RIOK3: variants seen among roughly 807,000 people sequenced by gnomAD.
The protein encoded by RIOK3 is serine/threonine-protein kinase RIO3.
Under a neutral mutation model 63.5 loss-of-function variants are expected in RIOK3, and 40 were observed. The observed-to-expected ratio is 0.63, with a 90% CI of 0.49 to 0.82. RIOK3 has a LOEUF of 0.82. RIOK3 is among the 40% of genes least tolerant of loss of function. The pLI is 0.00. For synonymous variants in RIOK3, 193 were observed against 205.0 expected (o/e 0.94, Z 0.50); for missense variants, 557 against 637.0 (o/e 0.87, Z 1.35).
At position 23,478,188 on chromosome 18, in the gene RIOK3, G is replaced by A. The variant is rs2057506369; in HGVS notation, c.1344+920G>A. Among the ~76,000 whole-genome samples, 13 of 152,232 alleles carry A rather than the reference G, an allele frequency of 8.5e-5. 1 individual carries two copies. The South Asian group carries it at 2.5e-3, about 29-fold the overall frequency. On this transcript the variant is annotated intron_variant, in intron 11 of 12. Coordinates refer to ENST00000339486, the MANE Select transcript of RIOK3 (RefSeq NM_003831.5). ...TGCTTAAACAGAAGCTGGTGTGCCT[G>A]TATGCTTGCTGCCATTATTACCATT...
At chr18:23,457,034 A>C (rs1429983180) in intron 1 of RIOK3, among the ~76,000 whole-genome samples, 2 of 152,234 alleles carry the variant, frequency 1.3e-5, no homozygotes, top group African/African-American at 4.8e-5. Flanking sequence ...TGATGATGTC[A>C]TCACATCTGA....
chr18:23,480,360 CAGTA>C (rs1411647175), intron 12 of RIOK3, among the ~76,000 whole-genome samples: 2 of 152,108 alleles, frequency 1.3e-5, no homozygotes, highest in Non-Finnish European at 2.9e-5. Context: ...TACAGTTGCT[CAGTA>C]AGTAAGTGAT....
intron 9 of RIOK3, among the ~76,000 whole-genome samples, chr18:23,475,615 A>G (rs1350961406): frequency 1.3e-5 from 2 of 152,202 alleles, no homozygotes; most frequent in Non-Finnish European, 2.9e-5. Context: ...GGCAAGAAAT[A>G]GAGCAAGACC....
In RIOK3 at chr18:23,467,498, T is replaced by A. The variant is rs1212158187; in HGVS notation, c.787T>A (p.Ser263Thr). 1 of 1,612,950 alleles carries A rather than the reference T, an allele frequency of 6.2e-7. No individual in the cohort carries two copies. Among genetic ancestry groups the A allele is most frequent in the African/African-American group, 1.3e-5 (1 of 74,766 alleles). The stretch of plus-strand genomic sequence containing the variant: ...TGGCTGTATTAGTACAGGAAAGGAG[T>A]CTGTTGTCTTTCATGCATATGGAGG... ...ITGCISTGKE[S>T]VVFHAYGGSM... The change falls in exon 7 of 13, where the codon TCT (serine) becomes ACT (threonine). Residue 263 changes from serine to threonine, a missense_variant. This residue lies in a region of RIOK3 where 309 missense variants were observed against 338.7 expected (regional missense o/e 0.91). Coordinates refer to ENST00000339486, the MANE Select transcript of RIOK3 (RefSeq NM_003831.5).
At chr18:23,460,622 G>A (rs1568380407) in intron 1 of RIOK3, among the ~76,000 whole-genome samples, 1 of 152,172 alleles carries the variant, frequency 6.6e-6, no homozygotes, top group Non-Finnish European at 1.5e-5. Flanking sequence ...TTATGTAACT[G>A]TTAGTCATTG....
chr18:23,481,005 A>G (rs2057530064), intron 12 of RIOK3, among the ~76,000 whole-genome samples, 167 bp from the exon 13 acceptor site: 1 of 152,112 alleles, frequency 6.6e-6, no homozygotes, highest in African/African-American at 2.4e-5. Context: ...GCTTGAACCC[A>G]GGAGGCAGAG....
At chr18:23,476,951 A>T in intron 9 of RIOK3, 55 bp from the exon 10 acceptor site, 1 of 1,462,390 alleles carries the variant, frequency 6.8e-7, no homozygotes, top group Non-Finnish European at 9.5e-7. Context: ...GGGTGTCATC[A>T]TCAATAATAC....
intron 1 of RIOK3, among the ~76,000 whole-genome samples, chr18:23,459,651 A>G (rs531510772): frequency 3.9e-5 from 6 of 152,336 alleles, no homozygotes; most frequent in East Asian, 1.9e-4. Flanking sequence ...GTGTGAAGGC[A>G]TGCAGCGGGG....
chr18:23,477,201 A>G lies in RIOK3; in HGVS notation c.1277A>G (p.Gln426Arg). ...TAGGTCTGGTTGATCGATGTCAGTC[A>G]GTCAGTAGAACCTACCCACCCTCAC... Reference protein sequence around the residue: ...AGKVWLIDVSQSVEPTHPHGL... With the variant: ...AGKVWLIDVSRSVEPTHPHGL... Residue 426 changes from glutamine (Q) to arginine (R), a missense_variant, in exon 11 of 13, where the codon CAG (glutamine) becomes CGG (arginine). Transcript: ENST00000339486. The G allele has an allele frequency of 6.2e-7, 1 of 1,614,182 alleles. No homozygotes were observed. The highest frequency in any genetic ancestry group is 8.5e-7 in the Non-Finnish European group (1 of 1,179,990).
At chr18:23,465,464 C>T (rs2145680515) in intron 5 of RIOK3, among the ~76,000 whole-genome samples, 2 of 152,098 alleles carry the variant, frequency 1.3e-5, no homozygotes, top group African/African-American at 2.4e-5. Context: ...AGCACAAATG[C>T]TTGTTAAGTA....
At chr18:23,469,335 CT>C (rs1335794098) in intron 7 of RIOK3, among the ~76,000 whole-genome samples, 19 of 10,086 alleles carry the variant, frequency 1.9e-3, no homozygotes, top group African/African-American at 7.1e-3. Context: ...CTCTCTCTCT[CT>C]CCCCCTCTCT....
At chr18:23,474,116 A>G (rs1390309306) in intron 8 of RIOK3, among the ~76,000 whole-genome samples, 1 of 152,190 alleles carries the variant, frequency 6.6e-6, no homozygotes, top group African/African-American at 2.4e-5. Flanking sequence ...TCTCATTAAA[A>G]ACCTTTCTAT....
chr18:23,480,403 C>A (rs922551245), intron 12 of RIOK3, among the ~76,000 whole-genome samples: 1 of 152,082 alleles, frequency 6.6e-6, no homozygotes, highest in African/African-American at 2.4e-5. Context: ...GTAGAGTTTT[C>A]TTTTTCCTGT....
chr18:23,473,327 G>A (rs982880775), intron 7 of RIOK3, 102 bp from the exon 8 acceptor site: 7 of 656,732 alleles, frequency 1.1e-5, no homozygotes, highest in Non-Finnish European at 1.8e-5. Flanking sequence ...TTGACACTGA[G>A]AGAAGGTAGA....
At chr18:23,477,291 CT>C (rs757791822) in intron 11 of RIOK3, 23 bp downstream of exon 11, 12 of 1,578,196 alleles carry the variant, frequency 7.6e-6, no homozygotes, top group African/African-American at 1.3e-5. Flanking sequence ...ACCAATATGC[CT>C]TTTTTTGTTG....
chr18:23,453,617 C>A, intron 1 of RIOK3, 115 bp downstream of exon 1: 1 of 948,722 alleles, frequency 1.1e-6, no homozygotes. Flanking sequence ...CGGGACCCCG[C>A]GGACCTCGGC....
intron 1 of RIOK3, among the ~76,000 whole-genome samples, chr18:23,457,264 A>C (rs1411527212): frequency 1.3e-5 from 2 of 152,198 alleles, no homozygotes; most frequent in Admixed American, 1.3e-4. Context: ...GGCAAACTGT[A>C]AGCAAAAGTG....
At chr18:23,474,327 A>C (rs2057475253) in intron 8 of RIOK3, among the ~76,000 whole-genome samples, 2 of 152,132 alleles carry the variant, frequency 1.3e-5, no homozygotes. Context: ...TAGGAGTTCA[A>C]AACCAGCCTG....
chr18:23,476,584 A>G (rs2057492296), intron 9 of RIOK3, among the ~76,000 whole-genome samples: 1 of 151,974 alleles, frequency 6.6e-6, no homozygotes, highest in Non-Finnish European at 1.5e-5. Context: ...AAGGCTGGAA[A>G]ACAAATGCAT....
Sources: gnomAD v4.1 joint callset for allele counts (sites outside exome capture counted in the v4.1 genomes callset) on GRCh38, gnomAD v4.1.1 for gene constraint, gnomAD v4.1.1 regional missense constraint, MANE v1.5 for transcripts, NCBI Gene and HGNC (gene_info 2026-07-23, HGNC 2026-07-21) for gene names.